Variants in CCM2 observed in about 807,000 individuals in gnomAD.
CCM2 encodes CCM2 scaffold protein.
CCM2 carries 25 observed loss-of-function variants against 44.9 expected under a neutral mutation model. The observed-to-expected ratio is 0.56, with a 90% CI of 0.41 to 0.78. The LOEUF (loss-of-function observed/expected upper bound fraction) is 0.78. CCM2 is among the 30% of genes least tolerant of loss of function. The pLI is 0.00. For synonymous variants in CCM2, 219 were observed against 241.1 expected (o/e 0.91, Z 0.85); for missense variants, 481 against 580.6 (o/e 0.83, Z 1.76).
intron 1 of CCM2, 60 bp downstream of exon 1, chr7:45,000,423 A>G (rs1583819485): frequency 7.3e-6 from 1 of 136,596 alleles, no homozygotes. Context: ...TTGAGGGGCC[A>G]GGGTGGGGTG....
intron 2 of CCM2, among the ~76,000 whole-genome samples, chr7:45,043,178 C>G (rs11771939): frequency 0.13 from 19,865 of 151,850 alleles, 1,613 homozygotes; most frequent in Admixed American, 0.2. Context: ...CTGTGTTGAC[C>G]AGGCTGTCTT....
At chr7:45,066,016 C>T (rs561245097) in intron 4 of CCM2, among the ~76,000 whole-genome samples, 3 of 152,236 alleles carry the variant, frequency 2.0e-5, no homozygotes, top group South Asian at 2.1e-4. Flanking sequence ...TAGGCTCCTC[C>T]CTTTATTTCT....
chr7:45,063,352 G>C (rs190038016), intron 2 of CCM2: 1 of 157,372 alleles, frequency 6.4e-6, no homozygotes, highest in Non-Finnish European at 1.4e-5. Context: ...GATTACAGGC[G>C]TGAGCCACCG....
downstream of CCM2, chr7:45,076,469 C>T (rs1784274118): frequency 5.6e-6 from 2 of 359,848 alleles, no homozygotes; most frequent in South Asian, 2.1e-5. Flanking sequence ...GGTTGCCAAG[C>T]ATGTTTCTGA....
intron 2 of CCM2, among the ~76,000 whole-genome samples, chr7:45,039,695 T>C (rs1442992612): frequency 3.9e-5 from 6 of 152,144 alleles, no homozygotes; most frequent in Non-Finnish European, 8.8e-5. Flanking sequence ...GATTCTACTT[T>C]TAAATAAAAA....
chr7:45,033,791 G>T (rs560517753), intron 1 of CCM2, among the ~76,000 whole-genome samples: 1 of 107,510 alleles, frequency 9.3e-6, no homozygotes, highest in East Asian at 2.9e-4. Flanking sequence ...ATACACATTT[G>T]AAAAGTAATT....
chr7:45,000,118 G>T (rs1382963960), upstream of CCM2: 2 of 153,970 alleles, frequency 1.3e-5, no homozygotes, highest in African/African-American at 5.0e-5. Context: ...ACCGTGGGCG[G>T]GGCCTGCGCT....
intron 6 of CCM2, chr7:45,071,948 C>T (rs1338943503): frequency 2.5e-5 from 11 of 440,052 alleles, no homozygotes; most frequent in South Asian, 8.1e-5. Context: ...AGGATGTGGA[C>T]GTCTTTGGGG....
At chr7:45,036,392 G>T (rs1039002477) in intron 1 of CCM2, among the ~76,000 whole-genome samples, 3 of 151,708 alleles carry the variant, frequency 2.0e-5, no homozygotes, top group African/African-American at 7.3e-5. Flanking sequence ...CTGTCAGGAG[G>T]CAGCAGGGTC....
chr7:45,049,346 T>C (rs1011071277), intron 2 of CCM2, among the ~76,000 whole-genome samples: 3 of 152,262 alleles, frequency 2.0e-5, no homozygotes, highest in African/African-American at 7.2e-5. Flanking sequence ...AAAGAAATCA[T>C]GTGCACCCTC....
chr7:45,062,486 C>A (rs1439927753), intron 2 of CCM2, among the ~76,000 whole-genome samples: 1 of 152,122 alleles, frequency 6.6e-6, no homozygotes. Flanking sequence ...AACCTTTTTA[C>A]TAAATGTTTT....
intron 1 of CCM2, among the ~76,000 whole-genome samples, chr7:45,028,505 AAAAT>A (rs1297544546): frequency 2.0e-5 from 3 of 152,034 alleles, no homozygotes; most frequent in African/African-American, 7.3e-5. Flanking sequence ...AAAATACAAA[AAAAT>A]TGCCGGGTGT....
intron 6 of CCM2, 116 bp downstream of exon 6, chr7:45,070,077 T>C (rs1798988839): frequency 7.3e-7 from 1 of 1,361,186 alleles, no homozygotes; most frequent in Non-Finnish European, 1.0e-6. Flanking sequence ...CGTGACATGG[T>C]GGCCTTTTGT....
At chr7:45,046,231 A>G (rs1193497631) in intron 2 of CCM2, among the ~76,000 whole-genome samples, 2 of 152,288 alleles carry the variant, frequency 1.3e-5, no homozygotes, top group Non-Finnish European at 2.9e-5. Flanking sequence ...GTGCAGTGGC[A>G]CGATCTTAAA....
intron 2 of CCM2, among the ~76,000 whole-genome samples, chr7:45,054,845 C>T (rs945665067): frequency 6.6e-6 from 1 of 152,196 alleles, no homozygotes; most frequent in African/African-American, 2.4e-5. Flanking sequence ...CCAGGGGACA[C>T]CCAGGAGACA....
intron 1 of CCM2, among the ~76,000 whole-genome samples, chr7:45,022,796 AGTG>A (rs1232865975): frequency 6.6e-6 from 1 of 152,020 alleles, no homozygotes; most frequent in East Asian, 1.9e-4. Flanking sequence ...GCTGGAGTGC[AGTG>A]GTGCGATCTC....
At chr7:45,003,490 T>C (rs139843256) in intron 1 of CCM2, among the ~76,000 whole-genome samples, 3 of 151,974 alleles carry the variant, frequency 2.0e-5, no homozygotes, top group African/African-American at 7.2e-5. Context: ...CCTAACACTT[T>C]GGGAGGCCGA....
chr7:45,029,331 TTATTCA>T (rs1211435074), intron 1 of CCM2: 1 of 152,170 alleles, frequency 6.6e-6, no homozygotes, highest in African/African-American at 2.4e-5. Flanking sequence ...ACCTTGTAGT[TTATTCA>T]TAAGGGTTAA....
rs145734072 is a variant in CCM2, at chr7:45,076,035, G to A, written c.1313G>A (p.Ser438Asn). Residue 438 changes from serine to asparagine, a missense_variant, in exon 10 of 10, where the codon AGC becomes AAC. Ser to Asn is a conservative substitution (Grantham distance 46). Transcript: ENST00000258781. Reference protein sequence around the residue: ...ISSDIEALGCSMDQDSA With the variant: ...ISSDIEALGCNMDQDSA ...AGCGACATTGAGGCGCTGGGCTGCA[G>A]CATGGACCAGGACTCAGCATGATGG... 13 of 1,612,944 alleles carry A rather than the reference G, an allele frequency of 8.1e-6. No homozygotes were observed. In the African/African-American group the frequency reaches 1.7e-4, roughly 22 times the overall value.
Sources: gnomAD v4.1 joint callset for allele counts (sites outside exome capture counted in the v4.1 genomes callset) on GRCh38, gnomAD v4.1.1 for gene constraint, MANE v1.5 for transcripts, NCBI Gene and HGNC (gene_info 2026-07-23, HGNC 2026-07-21) for gene names.